PIGF: variants seen among roughly 807,000 people sequenced by gnomAD.
The protein encoded by PIGF is GPI ethanolamine phosphate transferase, stabilizing subunit.
Under a neutral mutation model 26.0 loss-of-function variants are expected in PIGF, and 23 were observed. That is an observed-to-expected ratio of 0.88 (90% CI 0.64 to 1.25). The LOEUF (loss-of-function observed/expected upper bound fraction) is 1.25. Ranked by LOEUF, PIGF falls within the 50% of genes most tolerant of loss-of-function variation. The pLI, the probability that PIGF is intolerant of heterozygous loss-of-function variation, is 0.00. For synonymous variants in PIGF, 93 were observed against 92.6 expected (o/e 1.00, Z -0.03); for missense variants, 278 against 249.9 (o/e 1.11, Z -0.76).
chr2:46,608,392 G>T (rs764828327), intron 4 of PIGF, among the ~76,000 whole-genome samples: 22 of 152,134 alleles, frequency 1.4e-4, no homozygotes, highest in Non-Finnish European at 5.9e-5. Context: ...ATCTGCAGTG[G>T]TTTCCTCCAC....
At chr2:46,615,313 A>G (rs1670580208) in intron 1 of PIGF, 128 bp from the exon 2 acceptor site, 1 of 565,150 alleles carries the variant, frequency 1.8e-6, no homozygotes, top group Non-Finnish European at 3.2e-6. Context: ...TCAAAACACA[A>G]AAGATGCAGA....
chr2:46,606,301 C>T (rs765744861), intron 4 of PIGF, among the ~76,000 whole-genome samples: 6 of 152,168 alleles, frequency 3.9e-5, no homozygotes, highest in Middle Eastern at 3.2e-3. Context: ...CATATCCTTC[C>T]AGAAATATAC....
intron 4 of PIGF, among the ~76,000 whole-genome samples, chr2:46,596,198 G>C (rs1313623712): frequency 2.0e-5 from 3 of 147,070 alleles, no homozygotes; most frequent in African/African-American, 7.7e-5. Context: ...TGGCGACAGA[G>C]CGAGACCCCA....
rs777616861 is a variant in PIGF, at chr2:46,581,563, G to A, written c.575C>T (p.Ala192Val). 48 of 1,611,324 alleles carry A rather than the reference G, an allele frequency of 3.0e-5. No homozygotes were observed. In the Admixed American group the frequency reaches 4.8e-4, roughly 16 times the overall value. Residue 192 changes from alanine (A) to valine (V), a missense_variant, in exon 6 of 6, where the codon GCG becomes GTG. By Grantham distance (64) the Ala-to-Val change is moderately conservative (BLOSUM62 0). Coordinates refer to ENST00000281382, the MANE Select transcript of PIGF (RefSeq NM_002643.4). ...QVWPISCTLG[A>V]TFGYVAGLVI... ...AAGGCCAGCCACGTAGCCAAAGGTCGCTCCAAGCGTACAGGAGATGGGCCA... is the reference window on the plus strand; with the variant it reads ...AAGGCCAGCCACGTAGCCAAAGGTCACTCCAAGCGTACAGGAGATGGGCCA...
At chr2:46,595,767 CATT>C (rs1449505394) in intron 4 of PIGF, among the ~76,000 whole-genome samples, 1 of 152,116 alleles carries the variant, frequency 6.6e-6, no homozygotes, top group Non-Finnish European at 1.5e-5. Context: ...TGACACTTGT[CATT>C]ATCTTTTTTT....
intron 3 of PIGF, 58 bp from the exon 4 acceptor site, chr2:46,612,402 A>T: frequency 7.9e-6 from 4 of 504,720 alleles, no homozygotes; most frequent in Non-Finnish European, 1.4e-5. Flanking sequence ...ATACACATAC[A>T]TAATCTTTAT....
intron 4 of PIGF, among the ~76,000 whole-genome samples, chr2:46,598,448 G>A (rs1368024127): frequency 2.0e-5 from 3 of 151,456 alleles, no homozygotes; most frequent in Non-Finnish European, 4.4e-5. Context: ...TCTAACCCAC[G>A]GCCCATAGGC....
chr2:46,581,219 C>G lies in PIGF; in HGVS notation c.*259G>C, dbSNP rs1669355879. On this transcript the variant is annotated 3_prime_UTR_variant, in exon 6 of 6. Transcript: ENST00000281382. ...GAAAACAAAACCTGTCCTCAGAATT[C>G]TATAAAGTGTATTAAGAATGTTCCT... 1.0e-6 allele frequency: 1 copy of G among 979,080 alleles called. No homozygotes were observed. Among genetic ancestry groups the G allele is most frequent in the Non-Finnish European group, 1.5e-6 (1 of 679,796 alleles). The allele number at this position is 979,080 out of a possible 1,614,324, so 60.6% of individuals were successfully genotyped here.
intron 4 of PIGF, among the ~76,000 whole-genome samples, chr2:46,608,288 C>T (rs548361802): frequency 6.6e-6 from 1 of 152,296 alleles, no homozygotes; most frequent in East Asian, 1.9e-4. Flanking sequence ...AGAAGTAATT[C>T]CTCATCTGTT....
Position 46,581,404 on chromosome 2 carries a change from C to T in PIGF, c.*74G>A. ...AAAAACAGAGCTGTAAATGGAACTGCTTGGCTTTGACCATACACATTTCTG... is the reference window on the plus strand; with the variant it reads ...AAAAACAGAGCTGTAAATGGAACTGTTTGGCTTTGACCATACACATTTCTG... On this transcript the variant is annotated 3_prime_UTR_variant, in exon 6 of 6. Transcript: ENST00000281382. 6.4e-7 allele frequency: 1 copy of T among 1,551,644 alleles called. No individual in the cohort carries two copies. Among genetic ancestry groups the T allele is most frequent in the East Asian group, 2.4e-5 (1 of 41,636 alleles).
intron 4 of PIGF, among the ~76,000 whole-genome samples, chr2:46,605,634 T>C (rs1207524221): frequency 6.6e-6 from 1 of 152,152 alleles, no homozygotes; most frequent in Non-Finnish European, 1.5e-5. Flanking sequence ...AAGTAGCTTG[T>C]CTAAGATCAC....
chr2:46,594,610 ACTGCAAC>A, intron 4 of PIGF, among the ~76,000 whole-genome samples: 1 of 150,730 alleles, frequency 6.6e-6, no homozygotes, highest in Non-Finnish European at 1.5e-5. Context: ...ATCTCGGATC[ACTGCAAC>A]CTCCACCTCC....
At chr2:46,604,996 C>A (rs1453408140) in intron 4 of PIGF, among the ~76,000 whole-genome samples, 1 of 150,586 alleles carries the variant, frequency 6.6e-6, no homozygotes, top group Non-Finnish European at 1.5e-5. Context: ...TATGTAGACA[C>A]AAAAAAATAA....
At chr2:46,615,316 G>A (rs1670580359) in intron 1 of PIGF, 131 bp from the exon 2 acceptor site, 1 of 560,312 alleles carries the variant, frequency 1.8e-6, no homozygotes, top group Non-Finnish European at 3.2e-6. Context: ...AAACACAAAA[G>A]ATGCAGACGT....
chr2:46,600,387 C>A (rs1262195423), intron 4 of PIGF, among the ~76,000 whole-genome samples: 2 of 152,002 alleles, frequency 1.3e-5, no homozygotes, highest in Non-Finnish European at 2.9e-5. Context: ...CACAAGTATA[C>A]AAAATTATAT....
intron 4 of PIGF, among the ~76,000 whole-genome samples, chr2:46,611,231 G>C (rs1670403464): frequency 6.6e-6 from 1 of 152,124 alleles, no homozygotes; most frequent in African/African-American, 2.4e-5. Flanking sequence ...GCTCATACCT[G>C]TAATCCCAGC....
chr2:46,594,295 G>A lies in PIGF; in HGVS notation c.438-1712C>T, dbSNP rs376082922. Among the ~76,000 whole-genome samples the A allele has an allele frequency of 7.9e-5, 12 of 152,174 alleles. No individual in the cohort carries two copies. In the East Asian group the frequency reaches 1.7e-3, roughly 22 times the overall value. On this transcript the variant is annotated intron_variant, in intron 4 of 5. Transcript: ENST00000281382. The stretch of plus-strand genomic sequence containing the variant: ...CTGTAATACATAAAGTGATGTGCCT[G>A]GAAACATAAGGTGTGGTAGAGGTTG...
chr2:46,584,388 T>C (rs1669500585), intron 5 of PIGF, among the ~76,000 whole-genome samples: 1 of 152,170 alleles, frequency 6.6e-6, no homozygotes, highest in Non-Finnish European at 1.5e-5. Context: ...TGTTAAAGTA[T>C]AGGGAGAATA....
chr2:46,608,321 GCAATTCAGTCACATCTT>G (rs950057409), intron 4 of PIGF, among the ~76,000 whole-genome samples: 2 of 152,158 alleles, frequency 1.3e-5, no homozygotes, highest in African/African-American at 4.8e-5. Context: ...TAATGTTGCA[GCAATTCAGTCACATCTT>G]CAGGCTCCTG....
Sources: gnomAD v4.1 joint callset for allele counts (sites outside exome capture counted in the v4.1 genomes callset) on GRCh38, gnomAD v4.1.1 for gene constraint, MANE v1.5 for transcripts, NCBI Gene and HGNC (gene_info 2026-07-23, HGNC 2026-07-21) for gene names.